Variants in CFAP70 observed in about 807,000 individuals in gnomAD.
The protein encoded by CFAP70 is cilia- and flagella-associated protein 70.
In CFAP70, 81 loss-of-function variants were observed where a neutral mutation model predicts 137.6. The ratio of observed to expected loss-of-function variants is 0.59; its 90% CI spans 0.49 to 0.71. CFAP70 has a LOEUF of 0.71. CFAP70 is among the 30% of genes least tolerant of loss of function. CFAP70 has a pLI of 0.00. For missense variants in CFAP70, 976 were observed against 1,226.7 expected (o/e 0.80, Z 3.05); for synonymous variants, 382 against 423.6 (o/e 0.90, Z 1.20).
chr10:73,257,047 ACACTTAC>A (rs1295137435), intron 25 of CFAP70, among the ~76,000 whole-genome samples: 1 of 152,050 alleles, frequency 6.6e-6, no homozygotes, highest in Non-Finnish European at 1.5e-5. Context: ...ATAATAATTA[ACACTTAC>A]CACTCCGTAC....
intron 1 of CFAP70, among the ~76,000 whole-genome samples, chr10:73,357,561 G>GT (rs891339720): frequency 5.3e-5 from 8 of 152,118 alleles, no homozygotes; most frequent in African/African-American, 1.9e-4. Flanking sequence ...AGATCTGATC[G>GT]TATCACTGTC....
Position 73,341,506 on chromosome 10 carries a change from T to G in CFAP70, c.475A>C (p.Lys159Gln), listed in dbSNP as rs2053249097. The change falls in exon 6 of 27, where the codon AAG (lysine) becomes CAG (glutamine). Residue 159 changes from lysine to glutamine, a missense_variant. Transcript: ENST00000310715. ...GCCAGAATGTTGGCAATTGGCCACT[T>G]TTTGGGCCGGGGAACAGGTTCCCTT... The G allele has an allele frequency of 6.2e-7, 1 of 1,614,194 alleles. No individual in the cohort carries two copies. The highest frequency in any genetic ancestry group is 8.5e-7 in the Non-Finnish European group (1 of 1,180,026).
intron 9 of CFAP70, among the ~76,000 whole-genome samples, chr10:73,316,489 T>TATATATATATATATATAG (rs2050376087): frequency 2.9e-5 from 3 of 103,964 alleles, no homozygotes; most frequent in African/African-American, 1.1e-4. Context: ...TAGATATAGA[T>TATATATATATATATATAG]ATATATATAT....
At chr10:73,349,538 G>T (rs549375017) in intron 3 of CFAP70, among the ~76,000 whole-genome samples, 1 of 148,148 alleles carries the variant, frequency 6.8e-6, no homozygotes, top group African/African-American at 2.5e-5. Context: ...GCGAGACTCC[G>T]TCTCAAAAAA....
rs376642755 is a variant in CFAP70 at position 73,262,038 on chromosome 10, TG to T, written c.3028-5623del. Among the ~76,000 whole-genome samples the T allele has an allele frequency of 3.3e-3, 465 of 141,834 alleles. 1 individual carries two copies. Among genetic ancestry groups the T allele is most frequent in the African/African-American group, 0.011 (396 of 35,934 alleles). The allele number at this position is 141,834 out of a possible 152,430, so 93.0% of individuals were successfully genotyped here. On this transcript the variant is annotated intron_variant, in intron 25 of 26. Coordinates refer to ENST00000310715, the Ensembl canonical transcript of CFAP70. ...TATGTATATATTATATATGTATATATGTATATATTATATATTATATATGTAT... is the reference window on the plus strand; with the variant it reads ...TATGTATATATTATATATGTATATATTATATATTATATATTATATATGTAT...
At chr10:73,316,026 T>C (rs1184660035) in intron 9 of CFAP70, among the ~76,000 whole-genome samples, 1 of 152,254 alleles carries the variant, frequency 6.6e-6, no homozygotes, top group East Asian at 1.9e-4. Context: ...ACACTTATAA[T>C]TGTCCTGTCT....
At chr10:73,326,073 C>A (rs1252669781) in intron 8 of CFAP70, among the ~76,000 whole-genome samples, 2 of 151,904 alleles carry the variant, frequency 1.3e-5, no homozygotes, top group South Asian at 2.1e-4. Flanking sequence ...CCAAAATTGA[C>A]CACATAGTTG....
chr10:73,269,825 G>A (rs1183950674), intron 24 of CFAP70, 110 bp from the exon 26 acceptor site: 1 of 595,730 alleles, frequency 1.7e-6, no homozygotes, highest in African/African-American at 1.8e-5. Context: ...AATATTTTTA[G>A]CATCAGAACT....
At chr10:73,259,517 G>T (rs1255844287) in intron 25 of CFAP70, among the ~76,000 whole-genome samples, 1 of 152,066 alleles carries the variant, frequency 6.6e-6, no homozygotes, top group Non-Finnish European at 1.5e-5. Context: ...AGGCTGGAGT[G>T]CAGTGGCACA....
At chr10:73,279,440 C>G (rs1485799835) in intron 19 of CFAP70, among the ~76,000 whole-genome samples, 1 of 151,634 alleles carries the variant, frequency 6.6e-6, no homozygotes, top group Non-Finnish European at 1.5e-5. Flanking sequence ...AGGAGAATGG[C>G]GTGAACCCGG....
chr10:73,321,295 G>A (rs763538450), intron 9 of CFAP70, among the ~76,000 whole-genome samples: 3 of 152,116 alleles, frequency 2.0e-5, no homozygotes, highest in Non-Finnish European at 4.4e-5. Context: ...GCATGCACCT[G>A]TAATCCCAGC....
At chr10:73,284,205 C>T (rs529377050) in intron 19 of CFAP70, among the ~76,000 whole-genome samples, 1 of 152,270 alleles carries the variant, frequency 6.6e-6, no homozygotes, top group East Asian at 1.9e-4. Flanking sequence ...TGGTTTGTAG[C>T]CCCTTTCCTC....
chr10:73,307,462 T>C (rs570027027), intron 12 of CFAP70, among the ~76,000 whole-genome samples: 2 of 152,296 alleles, frequency 1.3e-5, no homozygotes, highest in Admixed American at 6.5e-5. Flanking sequence ...ATCTATCTGC[T>C]GTCTACAAGA....
At chr10:73,354,958 C>T (rs754165033) in intron 1 of CFAP70, 123 bp from the exon 2 acceptor site, 8 of 622,448 alleles carry the variant, frequency 1.3e-5, no homozygotes, top group South Asian at 6.1e-5. Context: ...TGTTTTATTC[C>T]CCATATCCAA....
chr10:73,328,942 G>C (rs1203161812), intron 8 of CFAP70, among the ~76,000 whole-genome samples: 1 of 149,536 alleles, frequency 6.7e-6, no homozygotes. Context: ...CGATTCCTCA[G>C]GGATCTAGAA....
chr10:73,353,007 C>T (rs1014066695), intron 3 of CFAP70, among the ~76,000 whole-genome samples: 1 of 152,048 alleles, frequency 6.6e-6, no homozygotes, highest in Non-Finnish European at 1.5e-5. Context: ...GCTGTTGATC[C>T]TTTGATCTAT....
At chr10:73,360,074 A>C (rs774512546), upstream of CFAP70, among the ~76,000 whole-genome samples, 12 of 152,234 alleles carry the variant, frequency 7.9e-5, no homozygotes, top group African/African-American at 1.2e-4. Context: ...AAGGAAAACA[A>C]CATTGTTAGG....
intron 1 of CFAP70, among the ~76,000 whole-genome samples, chr10:73,357,771 TTA>T (rs2054784397): frequency 1.3e-5 from 2 of 152,334 alleles, no homozygotes; most frequent in South Asian, 4.1e-4. Flanking sequence ...CCCCCTGGAA[TTA>T]TCTCTCCCTT....
chr10:73,348,632 T>C lies in CFAP70; in HGVS notation c.251-111A>G, dbSNP rs1383635438. 4 of 724,716 alleles carry C rather than the reference T, an allele frequency of 5.5e-6. No homozygotes were observed. The African/African-American group carries it at 7.1e-5, about 13-fold the overall frequency. 44.9% of individuals were successfully genotyped at this position (724,716 alleles called of 1,614,324 possible). ...ATATGTAAGTTAAAAAAAAATAAAC[T>C]TGAAAGTACAGAAGGCACCAACATC... On this transcript the variant is annotated intron_variant, in intron 3 of 26. Coordinates refer to ENST00000310715, the Ensembl canonical transcript of CFAP70.
Sources: gnomAD v4.1 joint callset for allele counts (sites outside exome capture counted in the v4.1 genomes callset) on GRCh38, gnomAD v4.1.1 for gene constraint, MANE v1.5 for transcripts, NCBI Gene and HGNC (gene_info 2026-07-23, HGNC 2026-07-21) for gene names.